PSMD1: variants seen among roughly 807,000 people sequenced by gnomAD.
The protein encoded by PSMD1 is proteasome 26S subunit, non-ATPase 1.
A neutral mutation model predicts 119.0 loss-of-function variants in PSMD1; 18 were observed. The ratio of observed to expected loss-of-function variants is 0.15; its 90% CI spans 0.10 to 0.22. The LOEUF is 0.22. PSMD1 is among the 10% of genes least tolerant of loss of function. The pLI is 1.00. For missense variants in PSMD1, 702 were observed against 1,158.5 expected (o/e 0.61, Z 5.72); for synonymous variants, 374 against 396.6 (o/e 0.94, Z 0.68).
chr2:231,076,113 T>C (rs897611842), intron 8 of PSMD1, among the ~76,000 whole-genome samples: 2 of 152,202 alleles, frequency 1.3e-5, no homozygotes, highest in South Asian at 4.1e-4. Context: ...AGATCCTTAC[T>C]TCAGGCAGAA....
At chr2:231,127,224 A>G (rs917925405) in intron 16 of PSMD1, among the ~76,000 whole-genome samples, 1 of 152,044 alleles carries the variant, frequency 6.6e-6, no homozygotes, top group African/African-American at 2.4e-5. Flanking sequence ...AAGGTGGACA[A>G]GCACTTTGAT....
chr2:231,108,350 A>T, intron 16 of PSMD1: 2 of 594,714 alleles, frequency 3.4e-6, no homozygotes, highest in Non-Finnish European at 5.9e-6. Flanking sequence ...CTCATGGAAT[A>T]ATCTTGTCCA....
chr2:231,146,337 C>T lies in PSMD1; in HGVS notation c.2096C>T (p.Thr699Ile), dbSNP rs753364675. Residue 699 changes from threonine to isoleucine, a missense_variant, in exon 18 of 25, where the codon ACT becomes ATT. Transcript: ENST00000308696. The stretch of plus-strand genomic sequence containing the variant: ...TCAGCTCTCATCATGATCCAGCAGA[C>T]TGAAATCACTTGTCCAAAGGTGAGC... ...IASALIMIQQ[T>I]EITCPKVNQF... The T allele has an allele frequency of 6.2e-7, 1 of 1,612,634 alleles. No homozygotes were observed.
chr2:231,156,544 C>G (rs948394420), intron 19 of PSMD1, among the ~76,000 whole-genome samples: 2 of 152,024 alleles, frequency 1.3e-5, no homozygotes, highest in African/African-American at 4.8e-5. Context: ...TTTTTACTGT[C>G]TCTGTAGTTT....
At chr2:231,100,645 T>C (rs553884483) in intron 16 of PSMD1, among the ~76,000 whole-genome samples, 5 of 152,324 alleles carry the variant, frequency 3.3e-5, no homozygotes, top group African/African-American at 1.2e-4. Flanking sequence ...GAATTGAACA[T>C]ACTGACATAT....
At chr2:231,169,159 T>TG (rs959095100) in intron 23 of PSMD1, among the ~76,000 whole-genome samples, 16 of 152,124 alleles carry the variant, frequency 1.1e-4, no homozygotes, top group Non-Finnish European at 2.4e-4. Flanking sequence ...GGATTTTTTT[T>TG]TGTGTGTGTG....
In PSMD1 at chr2:231,144,662, C is replaced by T. The variant is rs146409410; in HGVS notation, c.1999-1578C>T. On this transcript the variant is annotated intron_variant, in intron 17 of 24. Transcript: ENST00000308696. ...CTCCTGGCCTCAATTAATCCACCCA[C>T]TTTGGCCTCACAAAGTGCTGGGATT... 6.6e-5 allele frequency among the ~76,000 whole-genome samples: 10 copies of T among 152,226 alleles called. No homozygotes were observed. The East Asian group carries it at 1.9e-3, about 29-fold the overall frequency.
chr2:231,057,214 C>T (rs1693619661), intron 1 of PSMD1, among the ~76,000 whole-genome samples, 173 bp downstream of exon 1: 1 of 152,038 alleles, frequency 6.6e-6, no homozygotes, highest in African/African-American at 2.4e-5. Flanking sequence ...CAGGTCACTG[C>T]GTGCTTCTCT....
chr2:231,128,526 G>A (rs1046154273), intron 16 of PSMD1, among the ~76,000 whole-genome samples: 14 of 152,116 alleles, frequency 9.2e-5, no homozygotes, highest in Admixed American at 5.2e-4. Flanking sequence ...TTATTTTAAC[G>A]AAAGACTTTG....
intron 6 of PSMD1, among the ~76,000 whole-genome samples, chr2:231,070,820 A>G (rs1676137350): frequency 6.6e-6 from 1 of 152,062 alleles, no homozygotes. Flanking sequence ...CTTTTTAACA[A>G]TTGCTATGTT....
intron 12 of PSMD1, among the ~76,000 whole-genome samples, chr2:231,081,965 C>A (rs941165621): frequency 6.6e-6 from 1 of 152,186 alleles, no homozygotes; most frequent in Non-Finnish European, 1.5e-5. Context: ...GTTGTTCAGT[C>A]TTTTTCCTCC....
At chr2:231,079,668 G>A in intron 11 of PSMD1, 54 bp downstream of exon 11, 1 of 1,153,756 alleles carries the variant, frequency 8.7e-7, no homozygotes, top group Non-Finnish European at 1.2e-6. Context: ...AATTTTTCTG[G>A]GGTTAAGAAA....
intron 23 of PSMD1, among the ~76,000 whole-genome samples, chr2:231,168,118 A>G (rs2125273180): frequency 6.6e-6 from 1 of 152,336 alleles, no homozygotes; most frequent in African/African-American, 2.4e-5. Context: ...ACAAAACCAT[A>G]AGAAGATATC....
chr2:231,123,659 T>A lies in PSMD1; in HGVS notation c.1884-15077T>A, dbSNP rs771884174. 73 of 1,613,812 alleles carry A rather than the reference T, an allele frequency of 4.5e-5. 1 individual carries two copies. In the South Asian group the frequency reaches 7.6e-4, roughly 17 times the overall value. On this transcript the variant is annotated intron_variant, in intron 16 of 24. Coordinates refer to ENST00000308696, the MANE Select transcript of PSMD1 (RefSeq NM_002807.4). ...TTCATTTCCTCTGGTATTGATTCTGTCTGTAATCCAGACCAGTTAGAAGAG... is the reference window on the plus strand; with the variant it reads ...TTCATTTCCTCTGGTATTGATTCTGACTGTAATCCAGACCAGTTAGAAGAG...
At chr2:231,124,949 A>C (rs934245249) in intron 16 of PSMD1, 46 of 151,966 alleles carry the variant, frequency 3.0e-4, no homozygotes, top group African/African-American at 1.0e-3. Flanking sequence ...GATTAATTCC[A>C]TATGTGTTTA....
rs561279039 is a variant in PSMD1, at chr2:231,092,579, G to A, written c.1883+5398G>A. Reference sequence around the variant, plus strand: ...ATCTGGGATATCCCGTCCCTCCATCGGCCCAAATTGTACGGGAATGAGACG... The same window carrying A: ...ATCTGGGATATCCCGTCCCTCCATCAGCCCAAATTGTACGGGAATGAGACG... On this transcript the variant is annotated intron_variant, in intron 16 of 24. Coordinates refer to ENST00000308696, the MANE Select transcript of PSMD1 (RefSeq NM_002807.4). Among the ~76,000 whole-genome samples the A allele has an allele frequency of 1.9e-3, 292 of 152,226 alleles. 1 individual carries two copies. Among genetic ancestry groups the A allele is most frequent in the African/African-American group, 6.5e-3 (270 of 41,540 alleles).
intron 4 of PSMD1, among the ~76,000 whole-genome samples, chr2:231,064,573 T>C (rs1432794238): frequency 6.6e-6 from 1 of 152,232 alleles, no homozygotes; most frequent in African/African-American, 2.4e-5. Flanking sequence ...TAGCTACAGT[T>C]GGTTCAAAAA....
intron 16 of PSMD1, 38 bp downstream of exon 16, chr2:231,087,219 T>A (rs1321962047): frequency 6.6e-7 from 1 of 1,523,254 alleles, no homozygotes; most frequent in African/African-American, 1.4e-5. Context: ...TTATATTTCA[T>A]TTTTTTTGGA....
intron 14 of PSMD1, 54 bp downstream of exon 14, chr2:231,083,817 C>G: frequency 6.5e-7 from 1 of 1,536,192 alleles, no homozygotes; most frequent in South Asian, 1.1e-5. Flanking sequence ...GTAAAAAACA[C>G]TTAACTTCAC....
Sources: allele counts gnomAD v4.1 joint callset (sites outside exome capture counted in the v4.1 genomes callset), GRCh38; gene constraint gnomAD v4.1.1; transcripts MANE v1.5; gene names NCBI Gene and HGNC (gene_info 2026-07-23, HGNC 2026-07-21).